The following CATSPERT variants were observed in gnomAD, a reference collection of about 807,000 sequenced individuals.
CATSPERT encodes cation channel sperm-associated targeting subunit tau.
the CATSPERT span, chr2:201,492,644 TTAAAAAAG>T: frequency 6.5e-7 from 1 of 1,528,752 alleles, no homozygotes; most frequent in Non-Finnish European, 8.8e-7. Context: ...AGAATCTCTT[TTAAAAAAG>T]ATCTCAGCTT....
At chr2:201,492,805 T>C in the CATSPERT span, 17 of 1,536,594 alleles carry the variant, frequency 1.1e-5, no homozygotes, top group African/African-American at 1.4e-5. Flanking sequence ...CAGATTTTGA[T>C]AGATTTTTGG....
the CATSPERT span, among the ~76,000 whole-genome samples, chr2:201,519,156 C>T: frequency 6.6e-6 from 1 of 152,140 alleles, no homozygotes; most frequent in South Asian, 2.1e-4. Flanking sequence ...GGTGACTTTT[C>T]CTTACTTCCT....
At chr2:201,610,233 T>C in the CATSPERT span, among the ~76,000 whole-genome samples, 3 of 152,036 alleles carry the variant, frequency 2.0e-5, no homozygotes, top group Non-Finnish European at 4.4e-5. Flanking sequence ...GGCAGGCAGA[T>C]CATGAGGTCA....
At chr2:201,562,500 T>C in the CATSPERT span, among the ~76,000 whole-genome samples, 1 of 139,466 alleles carries the variant, frequency 7.2e-6, no homozygotes, top group East Asian at 2.3e-4. Flanking sequence ...TCTCTAATAA[T>C]TCTTTATTTA....
chr2:201,535,741 A>C, the CATSPERT span: 8 of 1,345,028 alleles, frequency 5.9e-6, no homozygotes, highest in Non-Finnish European at 6.6e-6. Context: ...ACTTGGAGAC[A>C]TTTGAATGCA....
the CATSPERT span, among the ~76,000 whole-genome samples, chr2:201,588,128 C>T: frequency 1.3e-3 from 201 of 152,216 alleles, no homozygotes; most frequent in African/African-American, 4.7e-3. Context: ...AGAAGGGACG[C>T]CTCCCTAACT....
At chr2:201,585,875 C>T in the CATSPERT span, among the ~76,000 whole-genome samples, 2 of 152,102 alleles carry the variant, frequency 1.3e-5, no homozygotes, top group South Asian at 2.1e-4. Context: ...ATGGTTTGAG[C>T]TGCATGCGTC....
At chr2:201,600,180 C>G in the CATSPERT span, among the ~76,000 whole-genome samples, 390 of 152,234 alleles carry the variant, frequency 2.6e-3, 2 homozygotes, top group African/African-American at 8.8e-3. Context: ...AGACTTGGAA[C>G]CAACCCAAAT....
chr2:201,601,448 G>T, the CATSPERT span, among the ~76,000 whole-genome samples: 3 of 152,074 alleles, frequency 2.0e-5, no homozygotes, highest in South Asian at 4.1e-4. Flanking sequence ...GATGGGAAGA[G>T]AAGAGCAAGA....
the CATSPERT span, among the ~76,000 whole-genome samples, chr2:201,588,598 C>CT: frequency 0.45 from 63,840 of 141,540 alleles, 14,364 homozygotes; most frequent in East Asian, 0.72. Context: ...GTTCCCTACT[C>CT]TTTTTTTTTT....
the CATSPERT span, among the ~76,000 whole-genome samples, chr2:201,499,417 T>G: frequency 2.0e-5 from 3 of 152,196 alleles, no homozygotes; most frequent in Admixed American, 6.5e-5. Flanking sequence ...GTTTTTCCTC[T>G]TCTCAGTTGA....
chr2:201,531,109 C>T, the CATSPERT span, among the ~76,000 whole-genome samples: 12 of 151,646 alleles, frequency 7.9e-5, no homozygotes, highest in African/African-American at 2.2e-4. Context: ...TACAGGCGCC[C>T]GCCACCACGC....
At chr2:201,492,541 G>A in the CATSPERT span, 158 of 1,535,758 alleles carry the variant, frequency 1.0e-4, 1 homozygote, top group Middle Eastern at 2.0e-3. Flanking sequence ...GACACTTTTA[G>A]TCCTTAGAGA....
chr2:201,588,338 C>T, the CATSPERT span, among the ~76,000 whole-genome samples: 65 of 151,836 alleles, frequency 4.3e-4, no homozygotes, highest in African/African-American at 1.4e-3. Context: ...GTTGGTTTGA[C>T]GTATACAAAT....
the CATSPERT span, among the ~76,000 whole-genome samples, chr2:201,519,685 G>T: frequency 6.6e-6 from 1 of 151,992 alleles, no homozygotes; most frequent in South Asian, 2.1e-4. Context: ...CCACAGGAAT[G>T]CTATGAGGAA....
At chr2:201,603,214 G>T in the CATSPERT span, 1 of 1,607,788 alleles carries the variant, frequency 6.2e-7, no homozygotes, top group Non-Finnish European at 8.5e-7. Flanking sequence ...TAAATCAAAA[G>T]AAAGGATACT....
At chr2:201,595,010 G>A in the CATSPERT span, among the ~76,000 whole-genome samples, 8 of 152,108 alleles carry the variant, frequency 5.3e-5, no homozygotes, top group Non-Finnish European at 8.8e-5. Flanking sequence ...GCTTTGTTCC[G>A]TGGCTGGTGA....
the CATSPERT span, among the ~76,000 whole-genome samples, chr2:201,539,473 A>C: frequency 6.8e-6 from 1 of 146,782 alleles, no homozygotes; most frequent in South Asian, 2.1e-4. Context: ...TTCTTTTGAA[A>C]AGTGTCTGTT....
the CATSPERT span, among the ~76,000 whole-genome samples, chr2:201,612,862 CT>C: frequency 1.3e-5 from 2 of 152,170 alleles, no homozygotes; most frequent in Non-Finnish European, 2.9e-5. Flanking sequence ...TAATACTGCA[CT>C]TTTCCAATGG....
Sources: gnomAD v4.1 joint callset for allele counts (sites outside exome capture counted in the v4.1 genomes callset) on GRCh38, gnomAD v4.1.1 for gene constraint, MANE v1.5 for transcripts, NCBI Gene and HGNC (gene_info 2026-07-23, HGNC 2026-07-21) for gene names.